The following MALRD1 variants were observed in gnomAD, a reference collection of about 807,000 sequenced individuals.
The protein encoded by MALRD1 is MAM and LDL receptor class A domain containing 1.
Under a neutral mutation model 242.1 loss-of-function variants are expected in MALRD1, and 247 were observed. That is an observed-to-expected ratio of 1.02 (90% CI 0.92 to 1.13). The LOEUF is 1.13. Ranked by LOEUF, MALRD1 falls within the 50% of genes most tolerant of loss-of-function variation. The probability of loss-of-function intolerance (pLI) is 0.00; values close to 1 mark genes in which losing one functional copy is unlikely to be tolerated. For missense variants in MALRD1, 2,989 were observed against 2,533.1 expected (o/e 1.18, Z -3.86); for synonymous variants, 995 against 866.6 (o/e 1.15, Z -2.60).
intron 1 of MALRD1, among the ~76,000 whole-genome samples, chr10:19,053,809 C>A (rs909370803): frequency 3.3e-5 from 5 of 150,284 alleles, no homozygotes; most frequent in Non-Finnish European, 7.4e-5. Flanking sequence ...AAAAAAAAAC[C>A]TGTGCATTAA....
intron 19 of MALRD1, among the ~76,000 whole-genome samples, chr10:19,273,062 G>T (rs1349105274): frequency 6.6e-6 from 1 of 152,034 alleles, no homozygotes; most frequent in Non-Finnish European, 1.5e-5. Context: ...TGGGATTCCT[G>T]GGTCAAATGG....
chr10:19,495,837 C>T (rs1837689765), intron 30 of MALRD1, among the ~76,000 whole-genome samples: 1 of 152,172 alleles, frequency 6.6e-6, no homozygotes, highest in African/African-American at 2.4e-5. Flanking sequence ...ACCCATCTCA[C>T]ACTCAGTGAC....
At chr10:19,180,271 G>T (rs893302360) in intron 14 of MALRD1, among the ~76,000 whole-genome samples, 2 of 152,166 alleles carry the variant, frequency 1.3e-5, no homozygotes, top group African/African-American at 2.4e-5. Context: ...ATTGCTGAGT[G>T]CTAATACATT....
intron 18 of MALRD1, among the ~76,000 whole-genome samples, chr10:19,243,211 G>GC (rs1365921847): frequency 6.7e-6 from 1 of 148,806 alleles, no homozygotes; most frequent in African/African-American, 2.6e-5. Flanking sequence ...CTTCTCCCCC[G>GC]CCACACACAC....
intron 26 of MALRD1, among the ~76,000 whole-genome samples, chr10:19,372,987 A>T (rs1845443380): frequency 6.6e-6 from 1 of 152,034 alleles, no homozygotes; most frequent in Non-Finnish European, 1.5e-5. Flanking sequence ...GAAGATAATT[A>T]CATAAATATG....
chr10:19,726,962 C>T (rs1325107844), intron 38 of MALRD1, among the ~76,000 whole-genome samples: 2 of 152,122 alleles, frequency 1.3e-5, no homozygotes, highest in African/African-American at 2.4e-5. Context: ...TGTTAATGCT[C>T]ACTGGCCATG....
At chr10:19,207,485 T>C (rs924457179) in intron 17 of MALRD1, among the ~76,000 whole-genome samples, 19 of 152,052 alleles carry the variant, frequency 1.2e-4, no homozygotes, top group African/African-American at 4.6e-4. Context: ...TACATACCTA[T>C]GATAAAGATT....
chr10:19,257,730 C>G lies in MALRD1; in HGVS notation c.3038C>G (p.Ala1013Gly). Residue 1013 changes from alanine (A) to glycine (G), a missense_variant, in exon 19 of 40, where the codon GCG becomes GGG. Ala to Gly is a moderately conservative substitution (Grantham distance 60, BLOSUM62 0). Transcript: ENST00000454679. ...GGAGATGGCTTCACTGGAGATATTG[C>G]GATTGATGATCTGTCATTTATGGAC... ...SVGDGFTGDI[A>G]IDDLSFMDCT... is the part of the protein sequence containing the mutation. The G allele has an allele frequency of 6.5e-7, 1 of 1,541,430 alleles. No homozygotes were observed. The highest frequency in any genetic ancestry group is 8.8e-7 in the Non-Finnish European group (1 of 1,141,672).
chr10:19,074,253 G>C (rs1270186191), intron 2 of MALRD1, among the ~76,000 whole-genome samples: 1 of 152,100 alleles, frequency 6.6e-6, no homozygotes, highest in African/African-American at 2.4e-5. Context: ...AGAAATGAGA[G>C]ACATTGATGG....
chr10:19,458,279 A>G (rs1835764438), intron 29 of MALRD1, among the ~76,000 whole-genome samples: 1 of 152,216 alleles, frequency 6.6e-6, no homozygotes, highest in African/African-American at 2.4e-5. Flanking sequence ...TTGATTAACA[A>G]AAAGTGTCAA....
chr10:19,175,247 G>A lies in MALRD1; in HGVS notation c.1870G>A (p.Val624Ile), dbSNP rs971792666. 1.3e-4 allele frequency: 161 copies of A among 1,230,210 alleles called. No homozygotes were observed. The highest frequency in any genetic ancestry group is 9.4e-4 in the Middle Eastern group (3 of 3,202). 76.2% of individuals were successfully genotyped at this position (1,230,210 alleles called of 1,614,324 possible). A position where few individuals can be genotyped will look rare whatever the true frequency, so the allele number is the denominator to read the frequency against. Residue 624 changes from valine (V) to isoleucine (I), a missense_variant, in exon 14 of 40, where the codon GTT becomes ATT. Physicochemically the swap from Val to Ile is conservative, Grantham distance 29. Coordinates refer to ENST00000454679, the MANE Select transcript of MALRD1 (RefSeq NM_001142308.3). Reference sequence around the variant, plus strand: ...TACTGTTTTGTCGTCAAATGCTACCGTTGCTCTAGATGACATCAGTGTGTC... The same window carrying A: ...TACTGTTTTGTCGTCAAATGCTACCATTGCTCTAGATGACATCAGTGTGTC... Reference protein sequence around the residue: ...EATVLSSNATVALDDISVSQE... With the variant: ...EATVLSSNATIALDDISVSQE...
chr10:19,539,857 CGTGTGTGTGTGTGTGT>C lies in MALRD1; in HGVS notation c.5478+8532_5478+8547del, dbSNP rs368123598. 1.0e-3 allele frequency among the ~76,000 whole-genome samples: 129 copies of C among 127,016 alleles called. 2 individuals are homozygous for C. The East Asian group carries it at 0.019, about 19-fold the overall frequency. 83.3% of individuals were successfully genotyped at this position (127,016 alleles called of 152,430 possible). ...ATGCGCCACCACACCCAGCTTTGTG[CGTGTGTGTGTGTGTGT>C]GTGTGTGTGTGTGTGTGTGTGTGTG... On this transcript the variant is annotated intron_variant, in intron 32 of 39. Coordinates refer to ENST00000454679, the MANE Select transcript of MALRD1 (RefSeq NM_001142308.3).
At chr10:19,692,886 T>TATATATATATATATATATATATATATATA (rs373717863) in intron 38 of MALRD1, among the ~76,000 whole-genome samples, 29 of 136,858 alleles carry the variant, frequency 2.1e-4, no homozygotes, top group African/African-American at 5.2e-4. Context: ...TATATATATA[T>TATATATATATATATATATATATATATATA]AATTTCATCC....
intron 14 of MALRD1, among the ~76,000 whole-genome samples, chr10:19,186,629 A>G (rs1049470155): frequency 1.3e-5 from 2 of 152,232 alleles, no homozygotes; most frequent in African/African-American, 2.4e-5. Flanking sequence ...TTAAGTTTCA[A>G]TACATTAGAT....
chr10:19,545,092 C>G (rs61841420), intron 32 of MALRD1, among the ~76,000 whole-genome samples: 2 of 152,154 alleles, frequency 1.3e-5, no homozygotes, highest in East Asian at 1.9e-4. Context: ...GAGGCTTCTT[C>G]CTTGACTGGT....
In MALRD1 at chr10:19,301,430, G is replaced by T. The variant is rs145821299; in HGVS notation, c.3419+18249G>T. The stretch of plus-strand genomic sequence containing the variant: ...GCACTACATGTGTGTTCATGGCAGC[G>T]CTGTTCACAATAACAAAGACATGGA... On this transcript the variant is annotated intron_variant, in intron 21 of 39. Transcript: ENST00000454679. 9.1e-3 allele frequency among the ~76,000 whole-genome samples: 1,380 copies of T among 151,708 alleles called. 9 individuals carry two copies. The highest frequency in any genetic ancestry group is 0.014 in the Non-Finnish European group (969 of 67,766).
chr10:19,599,477 C>T (rs1290840724), intron 34 of MALRD1, among the ~76,000 whole-genome samples: 2 of 151,968 alleles, frequency 1.3e-5, no homozygotes, highest in African/African-American at 4.8e-5. Flanking sequence ...AAAAAAGAAG[C>T]ATAGTTAATT....
chr10:19,161,717 T>C (rs1360467664), intron 12 of MALRD1, among the ~76,000 whole-genome samples: 1 of 152,082 alleles, frequency 6.6e-6, no homozygotes, highest in Non-Finnish European at 1.5e-5. Flanking sequence ...ACTAGCTACA[T>C]AGAGCTATTG....
chr10:19,504,620 C>A (rs903459170), intron 31 of MALRD1, among the ~76,000 whole-genome samples: 1 of 151,032 alleles, frequency 6.6e-6, no homozygotes, highest in Non-Finnish European at 1.5e-5. Context: ...TACACAGACA[C>A]ACACACACAT....
Sources: gnomAD v4.1 joint callset for allele counts (sites outside exome capture counted in the v4.1 genomes callset) on GRCh38, gnomAD v4.1.1 for gene constraint, MANE v1.5 for transcripts, NCBI Gene and HGNC (gene_info 2026-07-23, HGNC 2026-07-21) for gene names.